SLC15A5: variants seen among roughly 807,000 people sequenced by gnomAD.
SLC15A5 encodes the protein solute carrier family 15 member 5, also known as Peptide/histidine transporter ENSP00000340402.
In SLC15A5, 58 loss-of-function variants were observed where a neutral mutation model predicts 56.1. The ratio of observed to expected loss-of-function variants is 1.03; its 90% CI spans 0.84 to 1.29. SLC15A5 has a LOEUF of 1.29. SLC15A5 is among the 50% of genes most tolerant of loss of function. The pLI is 0.00. For synonymous variants in SLC15A5, 264 were observed against 250.5 expected (o/e 1.05, Z -0.51); for missense variants, 681 against 672.1 (o/e 1.01, Z -0.15).
At chr12:16,208,581 C>T (rs1260831902) in intron 7 of SLC15A5, among the ~76,000 whole-genome samples, 1 of 152,080 alleles carries the variant, frequency 6.6e-6, no homozygotes, top group Admixed American at 6.6e-5. Flanking sequence ...GCAGGAGGAT[C>T]CTTTGAGCCC....
At chr12:16,239,449 AT>A (rs1386058286) in intron 5 of SLC15A5, among the ~76,000 whole-genome samples, 1 of 152,202 alleles carries the variant, frequency 6.6e-6, no homozygotes, top group Non-Finnish European at 1.5e-5. Flanking sequence ...CCATCTCTTT[AT>A]ATCAGGTGTG....
At chr12:16,192,937 G>A (rs1863851101) in intron 8 of SLC15A5, among the ~76,000 whole-genome samples, 1 of 152,084 alleles carries the variant, frequency 6.6e-6, no homozygotes. Flanking sequence ...TAAACAGCTT[G>A]CTGAAGTTTG....
At chr12:16,205,358 G>A (rs929259147) in intron 7 of SLC15A5, among the ~76,000 whole-genome samples, 9 of 151,352 alleles carry the variant, frequency 5.9e-5, no homozygotes, top group Admixed American at 3.3e-4. Context: ...TTTAATTCTC[G>A]ATAGTCTTTA....
At chr12:16,272,830 G>C (rs1402739680) in intron 1 of SLC15A5, 47 bp from the exon 2 acceptor site, 5 of 1,458,186 alleles carry the variant, frequency 3.4e-6, no homozygotes, top group Middle Eastern at 1.8e-4. Flanking sequence ...AGAACAAGTG[G>C]ATCACCAAAT....
chr12:16,189,978 A>G (rs1863825489), intron 8 of SLC15A5, among the ~76,000 whole-genome samples, 163 bp from the exon 9 acceptor site: 1 of 152,166 alleles, frequency 6.6e-6, no homozygotes. Context: ...CAGCCTTTTT[A>G]AAAGGACAAA....
chr12:16,242,291 T>G (rs1429412399), intron 4 of SLC15A5, among the ~76,000 whole-genome samples: 1 of 152,232 alleles, frequency 6.6e-6, no homozygotes, highest in African/African-American at 2.4e-5. Flanking sequence ...TGGTGAAGTA[T>G]GATCTAAGCA....
rs140647143 is a variant in SLC15A5, at chr12:16,202,899, A to G, written c.1484-8446T>C. 1.3e-4 allele frequency among the ~76,000 whole-genome samples: 20 copies of G among 152,220 alleles called. No individual in the cohort carries two copies. The East Asian group carries it at 3.5e-3, about 27-fold the overall frequency. ...ACCATATCATCTCACTTATATGTGG[A>G]ATGTAGGAAAGTCAAACTCACAGAA... On this transcript the variant is annotated intron_variant, in intron 7 of 8. Transcript: ENST00000344941.
chr12:16,257,338 C>T (rs1310814971), intron 3 of SLC15A5, among the ~76,000 whole-genome samples: 1 of 152,070 alleles, frequency 6.6e-6, no homozygotes, highest in Admixed American at 6.5e-5. Context: ...TTGATAATTG[C>T]TGAAGCTCAG....
At chr12:16,231,853 CA>C (rs1197580907) in intron 5 of SLC15A5, among the ~76,000 whole-genome samples, 2 of 152,178 alleles carry the variant, frequency 1.3e-5, no homozygotes, top group Non-Finnish European at 2.9e-5. Flanking sequence ...AAGTATGCCT[CA>C]AAGCAGGAGG....
At chr12:16,217,106 T>C (rs1467787082) in intron 6 of SLC15A5, 82 bp from the exon 7 acceptor site, 2 of 1,382,462 alleles carry the variant, frequency 1.4e-6, no homozygotes, top group Admixed American at 3.2e-5. Flanking sequence ...ATGTTGATCA[T>C]GTATCAAAGA....
At chr12:16,220,655 A>AG (rs1591646221) in intron 6 of SLC15A5, among the ~76,000 whole-genome samples, 2 of 152,230 alleles carry the variant, frequency 1.3e-5, no homozygotes, top group East Asian at 3.8e-4. Context: ...GAGTAATTGT[A>AG]ACAGAGACTG....
intron 6 of SLC15A5, among the ~76,000 whole-genome samples, chr12:16,221,970 C>T (rs1196065023): frequency 1.3e-5 from 2 of 151,966 alleles, no homozygotes; most frequent in African/African-American, 4.8e-5. Flanking sequence ...TGGTTTATGG[C>T]AGAAAGAGCT....
At chr12:16,238,484 G>T (rs1455773108) in intron 5 of SLC15A5, among the ~76,000 whole-genome samples, 1 of 151,926 alleles carries the variant, frequency 6.6e-6, no homozygotes, top group African/African-American at 2.4e-5. Flanking sequence ...AAAAAAATTA[G>T]CCAGGCGTGG....
At chr12:16,219,532 C>T (rs1027165293) in intron 6 of SLC15A5, among the ~76,000 whole-genome samples, 1 of 152,030 alleles carries the variant, frequency 6.6e-6, no homozygotes, top group African/African-American at 2.4e-5. Context: ...ATTATTAATC[C>T]TATGCTTTTC....
chr12:16,245,774 A>G (rs1311798470), intron 3 of SLC15A5, among the ~76,000 whole-genome samples: 3 of 152,244 alleles, frequency 2.0e-5, no homozygotes. Context: ...AACTCAAAGT[A>G]TAGTTTGAAA....
intron 5 of SLC15A5, among the ~76,000 whole-genome samples, chr12:16,228,196 G>C (rs771245182): frequency 1.3e-5 from 2 of 152,136 alleles, no homozygotes; most frequent in Non-Finnish European, 2.9e-5. Flanking sequence ...TCAGGAAATT[G>C]GGTGAATCAA....
At chr12:16,253,609 A>ATTT (rs1406196999) in intron 3 of SLC15A5, among the ~76,000 whole-genome samples, 1 of 152,096 alleles carries the variant, frequency 6.6e-6, no homozygotes, top group Non-Finnish European at 1.5e-5. Flanking sequence ...CGTGGCTCAC[A>ATTT]CTTCTAATCC....
chr12:16,232,070 A>G (rs1294087605), intron 5 of SLC15A5, among the ~76,000 whole-genome samples: 1 of 152,252 alleles, frequency 6.6e-6, no homozygotes, highest in Non-Finnish European at 1.5e-5. Context: ...TAGATATCCC[A>G]AGATCACCAG....
chr12:16,275,857 C>T (rs1247107670), intron 1 of SLC15A5, among the ~76,000 whole-genome samples: 1 of 151,822 alleles, frequency 6.6e-6, no homozygotes, highest in East Asian at 1.9e-4. Context: ...CCAAGGTAAG[C>T]AGAGTAAGTT....
Sources: gnomAD v4.1 joint callset for allele counts (sites outside exome capture counted in the v4.1 genomes callset) on GRCh38, gnomAD v4.1.1 for gene constraint, MANE v1.5 for transcripts, NCBI Gene and HGNC (gene_info 2026-07-23, HGNC 2026-07-21) for gene names.